Variants in ZEB1 observed in about 807,000 individuals in gnomAD.
ZEB1 encodes zinc finger E-box-binding homeobox 1.
In ZEB1, 21 loss-of-function variants were observed where a neutral mutation model predicts 84.9. The observed-to-expected ratio is 0.25, with a 90% confidence interval of 0.18 to 0.36. ZEB1 has a LOEUF of 0.36. Ranked by LOEUF, ZEB1 falls within the 10% of genes least tolerant of loss-of-function variation. The pLI is 1.00. For missense variants in ZEB1, 1,104 were observed against 1,330.2 expected (o/e 0.83, Z 2.65); for synonymous variants, 420 against 471.1 (o/e 0.89, Z 1.41).
chr10:31,427,278 A>G (rs1363792815), intron 1 of ZEB1, among the ~76,000 whole-genome samples: 1 of 152,200 alleles, frequency 6.6e-6, no homozygotes, highest in African/African-American at 2.4e-5. Flanking sequence ...TCTACCAGGC[A>G]TGGCAAAAAT....
intron 1 of ZEB1, chr10:31,363,013 C>T (rs745788724): frequency 2.9e-5 from 44 of 1,533,826 alleles, no homozygotes; most frequent in Non-Finnish European, 3.5e-6. Flanking sequence ...CCGCTCGTCT[C>T]TATCACACCT....
chr10:31,321,550 G>C lies in ZEB1; in HGVS notation c.58+2258G>C, dbSNP rs772211968. ...TATGAAAGGTAAGTTGGTTCGGAAA[G>C]AGCTGTTCGCTTTTTACCTTATTTA... On this transcript the variant is annotated intron_variant, in intron 1 of 8. Coordinates refer to ENST00000424869, the MANE Select transcript of ZEB1 (RefSeq NM_001174096.2). The C allele has an allele frequency of 5.6e-6, 9 of 1,614,036 alleles. No individual in the cohort carries two copies. In the South Asian group the frequency reaches 7.7e-5, roughly 14 times the overall value.
chr10:31,354,417 T>C (rs1227702247), intron 1 of ZEB1, among the ~76,000 whole-genome samples: 2 of 152,196 alleles, frequency 1.3e-5, no homozygotes, highest in Non-Finnish European at 2.9e-5. Flanking sequence ...TTCTTTGATT[T>C]CATAACAACT....
At chr10:31,378,918 A>G (rs1333379742) in intron 1 of ZEB1, among the ~76,000 whole-genome samples, 4 of 152,068 alleles carry the variant, frequency 2.6e-5, no homozygotes, top group Non-Finnish European at 5.9e-5. Flanking sequence ...TCTGCCATGT[A>G]CTTTACCCAG....
intron 7 of ZEB1, among the ~76,000 whole-genome samples, chr10:31,523,378 G>T (rs944499023): frequency 6.6e-6 from 1 of 152,176 alleles, no homozygotes; most frequent in Non-Finnish European, 1.5e-5. Flanking sequence ...TAGACAAGTG[G>T]TAGAGCACAC....
intron 1 of ZEB1, among the ~76,000 whole-genome samples, chr10:31,434,518 A>G (rs915381929): frequency 2.0e-5 from 3 of 152,240 alleles, no homozygotes; most frequent in Non-Finnish European, 4.4e-5. Context: ...TTGACACATT[A>G]TCAGAATACT....
At chr10:31,474,654 G>A (rs112651955) in intron 2 of ZEB1, among the ~76,000 whole-genome samples, 8 of 152,224 alleles carry the variant, frequency 5.3e-5, no homozygotes, top group Admixed American at 2.0e-4. Context: ...TCAGTGCGGC[G>A]ATTCCTCAGG....
chr10:31,429,540 A>G (rs572434567), intron 1 of ZEB1, among the ~76,000 whole-genome samples: 25 of 152,110 alleles, frequency 1.6e-4, no homozygotes, highest in African/African-American at 5.8e-4. Flanking sequence ...CCAGTGGTGG[A>G]GGGTGGAAGG....
chr10:31,523,250 C>T (rs537579688), intron 7 of ZEB1, among the ~76,000 whole-genome samples: 3 of 152,318 alleles, frequency 2.0e-5, no homozygotes, highest in South Asian at 2.1e-4. Flanking sequence ...TACATAAGAA[C>T]GTGCTGCCCA....
At chr10:31,440,853 C>T (rs555322275) in intron 1 of ZEB1, among the ~76,000 whole-genome samples, 3,476 of 152,042 alleles carry the variant, frequency 0.023, 122 homozygotes, top group African/African-American at 0.079. Flanking sequence ...TTACAAGGGA[C>T]GTGAAGGACC....
At chr10:31,355,273 C>T (rs927224320) in intron 1 of ZEB1, 5 of 152,066 alleles carry the variant, frequency 3.3e-5, no homozygotes, top group Admixed American at 1.3e-4. Context: ...TTCAGGACTT[C>T]CAGATATTTG....
intron 2 of ZEB1, among the ~76,000 whole-genome samples, chr10:31,469,251 G>T (rs1245615877): frequency 2.0e-5 from 3 of 152,182 alleles, no homozygotes; most frequent in Non-Finnish European, 4.4e-5. Context: ...ACAGCTCCCA[G>T]CGTGAGCGAC....
At chr10:31,335,636 T>C (rs1009387780) in intron 1 of ZEB1, among the ~76,000 whole-genome samples, 15 of 152,148 alleles carry the variant, frequency 9.9e-5, no homozygotes, top group Non-Finnish European at 1.6e-4. Flanking sequence ...GGCATTTTTT[T>C]CCAAAGAAAA....
chr10:31,464,017 TATG>T (rs933232951), intron 2 of ZEB1, among the ~76,000 whole-genome samples: 3 of 152,202 alleles, frequency 2.0e-5, no homozygotes, highest in Non-Finnish European at 2.9e-5. Context: ...GGTTATCTGC[TATG>T]ATATGATAAA....
At chr10:31,321,711 T>C (rs946384538) in intron 1 of ZEB1, 1 of 860,986 alleles carries the variant, frequency 1.2e-6, no homozygotes, top group Non-Finnish European at 1.9e-6. Context: ...ATTTTTCTCC[T>C]TGAGATCCTG....
At chr10:31,363,347 T>G in intron 1 of ZEB1, 1 of 1,534,290 alleles carries the variant, frequency 6.5e-7, no homozygotes. Flanking sequence ...CCATGGCCCT[T>G]GGAGTAGAAA....
chr10:31,340,781 A>G (rs946789411), intron 1 of ZEB1, among the ~76,000 whole-genome samples: 1 of 152,154 alleles, frequency 6.6e-6, no homozygotes, highest in African/African-American at 2.4e-5. Flanking sequence ...TAATGCCTGA[A>G]CTGAATACTA....
At chr10:31,439,915 A>AT (rs976557646) in intron 1 of ZEB1, among the ~76,000 whole-genome samples, 4 of 152,254 alleles carry the variant, frequency 2.6e-5, no homozygotes, top group African/African-American at 9.6e-5. Flanking sequence ...GTTTGACAAG[A>AT]TTCCACTGAT....
At chr10:31,481,249 A>C (rs1323602854) in intron 2 of ZEB1, among the ~76,000 whole-genome samples, 1 of 152,124 alleles carries the variant, frequency 6.6e-6, no homozygotes, top group Non-Finnish European at 1.5e-5. Context: ...GGTTCTGAAT[A>C]TATATAAAAA....
Sources: allele counts gnomAD v4.1 joint callset (sites outside exome capture counted in the v4.1 genomes callset), GRCh38; gene constraint gnomAD v4.1.1; transcripts MANE v1.5; gene names NCBI Gene and HGNC (gene_info 2026-07-23, HGNC 2026-07-21).